The following CACNA1B variants were observed in gnomAD, a reference collection of about 807,000 sequenced individuals.
CACNA1B encodes the protein voltage-dependent N-type calcium channel subunit alpha-1B.
Under a neutral mutation model 247.2 loss-of-function variants are expected in CACNA1B, and 70 were observed. That is an observed-to-expected ratio of 0.28 (90% confidence interval 0.23 to 0.35). The LOEUF (loss-of-function observed/expected upper bound fraction) is 0.35, where lower values mean the gene tolerates loss of function less well. Ranked by LOEUF, CACNA1B falls within the 10% of genes least tolerant of loss-of-function variation. The pLI is 1.00. For synonymous variants in CACNA1B, 1,231 were observed against 1,294.4 expected, an observed-to-expected ratio of 0.95 and a Z score of 1.05; for missense variants, 2,367 against 3,197.4, an observed-to-expected ratio of 0.74 and a Z score of 6.26.
intron 39 of CACNA1B, among the ~76,000 whole-genome samples, chr9:138,109,700 C>T (rs962418976): frequency 1.3e-5 from 2 of 152,206 alleles, no homozygotes; most frequent in South Asian, 4.1e-4. Flanking sequence ...ATAGCACATA[C>T]CTTTTACCCT....
chr9:137,884,953 CT>C (rs111471711), intron 3 of CACNA1B, among the ~76,000 whole-genome samples: 33 of 99,162 alleles, frequency 3.3e-4, no homozygotes, highest in African/African-American at 1.4e-3. Context: ...CTCCTCTCCC[CT>C]CTTCCCCCCC....
chr9:138,004,549 C>CAAA (rs762250306), intron 15 of CACNA1B, among the ~76,000 whole-genome samples: 19 of 62,426 alleles, frequency 3.0e-4, no homozygotes, highest in African/African-American at 9.5e-4. Flanking sequence ...GACCCTGTCT[C>CAAA]AAAAAAAAAA....
intron 23 of CACNA1B, among the ~76,000 whole-genome samples, chr9:138,048,791 C>A (rs1672092403): frequency 6.6e-6 from 1 of 152,156 alleles, no homozygotes; most frequent in South Asian, 2.1e-4. Context: ...GATCTCAGCT[C>A]ACTGCAGTCT....
Position 137,898,714 on chromosome 9 carries a change from C to G in CACNA1B, c.531-14466C>G, listed in dbSNP as rs893192612. Among the ~76,000 whole-genome samples, 6 of 151,096 alleles carry G rather than the reference C, an allele frequency of 4.0e-5. No individual in the cohort carries two copies. The East Asian group carries it at 9.7e-4, about 24-fold the overall frequency. On this transcript the variant is annotated intron_variant, in intron 3 of 46. Coordinates refer to ENST00000371372, the MANE Select transcript of CACNA1B (RefSeq NM_000718.4). ...TTTTTTTTTTTGAGATGGAGTCTCC[C>G]TCTGTCACCCAGGCTGGAGTGCAGT...
intron 40 of CACNA1B, among the ~76,000 whole-genome samples, chr9:138,113,502 G>A (rs1247370353): frequency 2.6e-5 from 4 of 150,986 alleles, no homozygotes; most frequent in African/African-American, 9.8e-5. Flanking sequence ...TGGGAGACGT[G>A]AGGGAGCGCA....
Position 137,913,317 on chromosome 9 carries a change from T to G in CACNA1B, c.622+46T>G. 1.4e-6 allele frequency: 2 copies of G among 1,411,152 alleles called. No homozygotes were observed. Among genetic ancestry groups the G allele is most frequent in the Non-Finnish European group, 2.0e-6 (2 of 997,842 alleles). 87.4% of individuals were successfully genotyped at this position (1,411,152 alleles called of 1,614,324 possible). A position where few individuals can be genotyped will look rare whatever the true frequency, so the allele number is the denominator to read the frequency against. On this transcript the variant is annotated intron_variant, in intron 4 of 46. Coordinates refer to ENST00000371372, the MANE Select transcript of CACNA1B (RefSeq NM_000718.4). This position sits in a 1 kb window ranked among gnomAD's most constrained non-coding sequence, Gnocchi z 5.2. ...CCCAAGCCGGCTTGGAGTAACAACC[T>G]CCTCTCCTACCCTCACCACGGACAT...
intron 3 of CACNA1B, chr9:137,892,053 C>T (rs1353530489): frequency 2.2e-6 from 1 of 457,348 alleles, no homozygotes; most frequent in Non-Finnish European, 4.4e-6. Flanking sequence ...TCCACTCCCA[C>T]CCCTTCTTCC....
intron 15 of CACNA1B, 111 bp from the exon 16 acceptor site, chr9:138,006,656 G>A (rs931896146): frequency 1.8e-5 from 12 of 675,164 alleles, no homozygotes; most frequent in South Asian, 5.0e-5. Context: ...ATGTGTGGAC[G>A]TGGCAGTGCG....
intron 5 of CACNA1B, among the ~76,000 whole-genome samples, chr9:137,915,641 C>A: frequency 6.6e-6 from 1 of 151,846 alleles, no homozygotes; most frequent in Middle Eastern, 3.2e-3. Context: ...AAACAAAAAC[C>A]TTTAATCCAA....
chr9:137,936,255 G>C (rs897266792), intron 6 of CACNA1B, among the ~76,000 whole-genome samples: 4 of 152,126 alleles, frequency 2.6e-5, no homozygotes, highest in Non-Finnish European at 5.9e-5. Flanking sequence ...GATGATGAGC[G>C]TTTTTTCATG....
At chr9:138,078,515 C>G (rs1960406668) in intron 36 of CACNA1B, among the ~76,000 whole-genome samples, 1 of 152,234 alleles carries the variant, frequency 6.6e-6, no homozygotes. Context: ...TGTTCCTTAA[C>G]TTCCAGCTTC....
rs537644188 is a variant in CACNA1B at position 138,043,186 on chromosome 9, T to G, written c.3287-588T>G. Among the ~76,000 whole-genome samples the G allele has an allele frequency of 1.3e-4, 20 of 152,126 alleles. 1 individual carries two copies. Among genetic ancestry groups the G allele is most frequent in the Non-Finnish European group, 2.8e-4 (19 of 67,984 alleles). On this transcript the variant is annotated intron_variant, in intron 20 of 46. Coordinates refer to ENST00000371372, the MANE Select transcript of CACNA1B (RefSeq NM_000718.4). ...GTGCTGAGCGGTAGAGGATGGGCCC[T>G]CGGGGAAGGAGGCGACGAGTCGGGG... is the stretch of plus-strand genomic sequence containing the variant.
chr9:137,917,472 G>T lies in CACNA1B; in HGVS notation c.966+41G>T. 6.3e-7 allele frequency: 1 copy of T among 1,575,400 alleles called. No individual in the cohort carries two copies. The highest frequency in any genetic ancestry group is 1.3e-5 in the African/African-American group (1 of 74,334). Reference sequence around the variant, plus strand: ...GCCCTGGGCCTGAGGGCAGGCCCTGGACCTCCTGAGCTGGTGCCTCTGGGG... The same window carrying T: ...GCCCTGGGCCTGAGGGCAGGCCCTGTACCTCCTGAGCTGGTGCCTCTGGGG... On this transcript the variant is annotated intron_variant, in intron 6 of 46. Transcript: ENST00000371372. The surrounding 1 kb of genome is among the most constrained non-coding windows in gnomAD (Gnocchi z 5.5).
intron 36 of CACNA1B, among the ~76,000 whole-genome samples, chr9:138,090,119 G>A (rs1960828006): frequency 1.3e-5 from 2 of 152,132 alleles, no homozygotes; most frequent in South Asian, 4.1e-4. Flanking sequence ...ACCCTGGATA[G>A]CTTAAATAAT....
rs369711806 is a variant in CACNA1B, at chr9:138,105,824, C to T, written c.5428+17C>T. 6.4e-5 allele frequency: 89 copies of T among 1,393,544 alleles called. No individual in the cohort carries two copies. The Admixed American group carries it at 1.4e-3, about 22-fold the overall frequency. The allele number at this position is 1,393,544 out of a possible 1,614,324, so 86.3% of individuals were successfully genotyped here. On this transcript the variant is annotated intron_variant, in intron 39 of 46. Coordinates refer to ENST00000371372, the MANE Select transcript of CACNA1B (RefSeq NM_000718.4). Reference sequence around the variant, plus strand: ...TGGCCCCAGGTGAGCAAGGCAGCCTCGGAAGGAGGGCCCTGGACCCAGGGA... The same window carrying T: ...TGGCCCCAGGTGAGCAAGGCAGCCTTGGAAGGAGGGCCCTGGACCCAGGGA...
chr9:137,999,616 C>T (rs558563042), intron 15 of CACNA1B, among the ~76,000 whole-genome samples: 2 of 152,084 alleles, frequency 1.3e-5, no homozygotes, highest in East Asian at 1.9e-4. Flanking sequence ...TTCAAGTGGT[C>T]CTCCCACCTC....
intron 6 of CACNA1B, among the ~76,000 whole-genome samples, chr9:137,946,601 A>AG (rs974266742): frequency 3.3e-5 from 5 of 150,478 alleles, no homozygotes; most frequent in Non-Finnish European, 5.9e-5. Context: ...TGAAAAACTG[A>AG]GAAAAAAAAA....
chr9:138,083,798 C>T (rs1960605763), intron 36 of CACNA1B, among the ~76,000 whole-genome samples: 1 of 150,468 alleles, frequency 6.6e-6, no homozygotes. Context: ...CCTGCCTCCC[C>T]AGGGCTCAAA....
chr9:138,112,976 G>A (rs1256538985), intron 40 of CACNA1B, among the ~76,000 whole-genome samples: 2 of 151,412 alleles, frequency 1.3e-5, no homozygotes, highest in African/African-American at 4.9e-5. Flanking sequence ...ATGGGGAGGT[G>A]CCCAACTGCA....
Sources: gnomAD v4.1 joint callset for allele counts (sites outside exome capture counted in the v4.1 genomes callset) on GRCh38, gnomAD v4.1.1 for gene constraint, Gnocchi (gnomAD v3.1) non-coding constraint, MANE v1.5 for transcripts, NCBI Gene and HGNC (gene_info 2026-07-23, HGNC 2026-07-21) for gene names.